Variants in PCDHGA4 observed in about 807,000 individuals in gnomAD.
PCDHGA4 encodes protocadherin gamma subfamily A, 4.
PCDHGA4 carries 38 observed loss-of-function variants against 54.6 expected under a neutral mutation model. The observed-to-expected ratio is 0.70, with a 90% CI of 0.54 to 0.91. The LOEUF is 0.91. Among genes scored for constraint, PCDHGA4 ranks in the 40% least tolerant of loss-of-function variants. The probability of loss-of-function intolerance (pLI) is 0.00; values close to 1 mark genes in which losing one functional copy is unlikely to be tolerated. For synonymous variants in PCDHGA4, 511 were observed against 512.9 expected, an observed-to-expected ratio of 1.00 and a Z score of 0.05; for missense variants, 1,298 against 1,220.9, an observed-to-expected ratio of 1.06 and a Z score of -0.94.
intron 1 of PCDHGA4, chr5:141,408,127 G>A (rs1017651550): frequency 2.0e-6 from 3 of 1,480,258 alleles, no homozygotes; most frequent in African/African-American, 2.8e-5. Context: ...GTCCTGGGCC[G>A]AATGCTCTTT....
At chr5:141,448,921 G>A (rs1323304761) in intron 1 of PCDHGA4, among the ~76,000 whole-genome samples, 3 of 152,120 alleles carry the variant, frequency 2.0e-5, no homozygotes, top group Admixed American at 1.3e-4. Flanking sequence ...CTCCAGCCTG[G>A]GCGACAGAGC....
chr5:141,383,319 A>T, intron 1 of PCDHGA4: 2 of 1,614,020 alleles, frequency 1.2e-6, no homozygotes, highest in Non-Finnish European at 1.7e-6. Context: ...AAATAAATGT[A>T]AAAATAATGG....
chr5:141,395,119 T>C, intron 1 of PCDHGA4: 1 of 1,614,182 alleles, frequency 6.2e-7, no homozygotes. Flanking sequence ...AGTCACCTGA[T>C]CTTTCCCCAG....
rs549557253 is a variant in PCDHGA4 at position 141,503,310 on chromosome 5, T to C, written c.2574-2083T>C. 2.6e-5 allele frequency among the ~76,000 whole-genome samples: 4 copies of C among 152,176 alleles called. No homozygotes were observed. The East Asian group carries it at 7.7e-4, about 29-fold the overall frequency. On this transcript the variant is annotated intron_variant, in intron 2 of 3. Coordinates refer to ENST00000571252, the MANE Select transcript of PCDHGA4 (RefSeq NM_018917.4). ...TACATAGAAATTGCTCAAGAAAGAA[T>C]TGTTGGAGGGGCGCGGTGGCTCACG...
rs764156663 is a variant in PCDHGA4 at position 141,382,871 on chromosome 5, G to A, written c.2514+25250G>A. 2.6e-6 allele frequency: 4 copies of A among 1,520,506 alleles called. No individual in the cohort carries two copies. The South Asian group carries it at 4.0e-5, about 15-fold the overall frequency. 94.2% of individuals were successfully genotyped at this position (1,520,506 alleles called of 1,614,324 possible). On this transcript the variant is annotated intron_variant, in intron 1 of 3. Coordinates refer to ENST00000571252, the MANE Select transcript of PCDHGA4 (RefSeq NM_018917.4). ...GCATTCTGAAGCACTTCCCGAGATC[G>A]GCGCCTAAGCAAGAGAAGCAGGACG... is the stretch of plus-strand genomic sequence containing the variant.
chr5:141,415,907 T>C, intron 1 of PCDHGA4: 1 of 779,592 alleles, frequency 1.3e-6, no homozygotes. Context: ...CAGACTTCCA[T>C]ACAGAAGTGC....
rs1561858566 is a variant in PCDHGA4 at position 141,432,177 on chromosome 5, C to G, written c.2515-62630C>G. ...AATCCCAGAGGAGTTTCCCTCGTCTCTGTGACCGCCCACGACCCCGACTGT... is the reference window on the plus strand; with the variant it reads ...AATCCCAGAGGAGTTTCCCTCGTCTGTGTGACCGCCCACGACCCCGACTGT... On this transcript the variant is annotated intron_variant, in intron 1 of 3. Transcript: ENST00000571252. This position sits in a 1 kb window ranked among gnomAD's most constrained non-coding sequence, Gnocchi z 6.0. The G allele has an allele frequency of 6.2e-7, 1 of 1,614,220 alleles. No homozygotes were observed. Among genetic ancestry groups the G allele is most frequent in the Admixed American group, 1.7e-5 (1 of 60,032 alleles).
intron 1 of PCDHGA4, chr5:141,370,604 A>G (rs1263925299): frequency 6.2e-7 from 1 of 1,613,888 alleles, no homozygotes; most frequent in Non-Finnish European, 8.5e-7. Flanking sequence ...GGGTTATTGC[A>G]GAGAAGAAAT....
chr5:141,399,780 A>G (rs1444494014), intron 1 of PCDHGA4: 1 of 1,613,288 alleles, frequency 6.2e-7, no homozygotes, highest in Non-Finnish European at 8.5e-7. Flanking sequence ...TGGGCGACCG[A>G]AACGACAACG....
intron 1 of PCDHGA4, chr5:141,418,379 C>T: frequency 6.2e-7 from 1 of 1,613,966 alleles, no homozygotes; most frequent in Non-Finnish European, 8.5e-7. Flanking sequence ...CCAACTAAGT[C>T]CTAACGAGTA....
chr5:141,378,347 A>AC (rs1159176401), intron 1 of PCDHGA4: 1 of 152,134 alleles, frequency 6.6e-6, no homozygotes, highest in Non-Finnish European at 1.5e-5. Flanking sequence ...ACATGGTGAA[A>AC]CCCCGTCTCT....
chr5:141,409,613 A>G lies in PCDHGA4; in HGVS notation c.2514+51992A>G, dbSNP rs370495173. On this transcript the variant is annotated intron_variant, in intron 1 of 3. Coordinates refer to ENST00000571252, the MANE Select transcript of PCDHGA4 (RefSeq NM_018917.4). Reference sequence around the variant, plus strand: ...CGAGAACAACCCGCCAGGAGCCTCCATTGCGCAAGTGAGCGCCTCTGACCC... The same window carrying G: ...CGAGAACAACCCGCCAGGAGCCTCCGTTGCGCAAGTGAGCGCCTCTGACCC... The G allele has an allele frequency of 8.4e-5, 136 of 1,613,856 alleles. No individual in the cohort carries two copies. Among genetic ancestry groups the G allele is most frequent in the Middle Eastern group, 8.2e-4 (5 of 6,062 alleles).
chr5:141,363,169 T>A (rs2149843303), intron 1 of PCDHGA4, among the ~76,000 whole-genome samples: 1 of 152,382 alleles, frequency 6.6e-6, no homozygotes, highest in Admixed American at 6.5e-5. Context: ...TTCTCTAACA[T>A]GCATTTTAAC....
At chr5:141,433,123 C>A in intron 1 of PCDHGA4, 1 of 1,614,116 alleles carries the variant, frequency 6.2e-7, no homozygotes, top group Non-Finnish European at 8.5e-7. Context: ...TTGAAAAAAG[C>A]GAGCCCCTTT....
At chr5:141,423,251 ACCTCGGCAG>A (rs770264100) in intron 1 of PCDHGA4, 3 of 1,613,726 alleles carry the variant, frequency 1.9e-6, no homozygotes, top group African/African-American at 2.7e-5. Flanking sequence ...GTCCTGGCGG[ACCTCGGCAG>A]CCTCGAGTCT....
chr5:141,448,974 C>T (rs937711828), intron 1 of PCDHGA4, among the ~76,000 whole-genome samples: 5 of 151,994 alleles, frequency 3.3e-5, no homozygotes, highest in African/African-American at 1.2e-4. Context: ...CAAAAAAGAA[C>T]TTCCATATTA....
rs900884760 is a variant in PCDHGA4, at chr5:141,414,031, C to T, written c.2514+56410C>T. ...CAATGGAGAAGTGACATATTCATTC[C>T]GAAAATTACCTGACACGCAATTGTT... On this transcript the variant is annotated intron_variant, in intron 1 of 3. Coordinates refer to ENST00000571252, the MANE Select transcript of PCDHGA4 (RefSeq NM_018917.4). 4 of 1,611,858 alleles carry T rather than the reference C, an allele frequency of 2.5e-6. No homozygotes were observed. The Admixed American group carries it at 6.7e-5, about 27-fold the overall frequency.
rs62378448 is a variant in PCDHGA4, at chr5:141,400,064, G to C, written c.2514+42443G>C. On this transcript the variant is annotated intron_variant, in intron 1 of 3. Transcript: ENST00000571252. ...CTGCTGGTTGCTGTGCGTGATGGTG[G>C]ACAGCCGCCACTCTCCGCCACCGCC... The C allele has an allele frequency of 7.6e-4, 1,225 of 1,613,770 alleles. No homozygotes were observed. The highest frequency in any genetic ancestry group is 9.7e-4 in the Non-Finnish European group (1,150 of 1,179,858).
chr5:141,425,869 C>G (rs1376765137), intron 1 of PCDHGA4, among the ~76,000 whole-genome samples: 1 of 152,198 alleles, frequency 6.6e-6, no homozygotes, highest in Non-Finnish European at 1.5e-5. Flanking sequence ...TATAGATTCC[C>G]ATCTCTAAGG....
Sources: gnomAD v4.1 joint callset for allele counts (sites outside exome capture counted in the v4.1 genomes callset) on GRCh38, gnomAD v4.1.1 for gene constraint, Gnocchi (gnomAD v3.1) non-coding constraint, MANE v1.5 for transcripts, NCBI Gene and HGNC (gene_info 2026-07-23, HGNC 2026-07-21) for gene names.